The following CHD2 variants were observed in gnomAD, a reference collection of about 807,000 sequenced individuals.
CHD2 encodes chromodomain helicase DNA binding protein 2.
A neutral mutation model predicts 243.9 loss-of-function variants in CHD2; 28 were observed. That is an observed-to-expected ratio of 0.11 (90% confidence interval 0.09 to 0.16). CHD2 has a LOEUF of 0.16. CHD2 is among the 10% of genes least tolerant of loss of function. The pLI, the probability that CHD2 is intolerant of heterozygous loss-of-function variation, is 1.00. For synonymous variants in CHD2, 775 were observed against 779.0 expected (o/e 0.99, Z 0.09); for missense variants, 1,386 against 2,209.8 (o/e 0.63, Z 7.47).
In CHD2 at chr15:93,000,539, G is replaced by T. The variant is rs200178864; in HGVS notation, c.4036G>T (p.Val1346Leu). 5.6e-6 allele frequency: 9 copies of T among 1,612,798 alleles called. No homozygotes were observed. In the East Asian group the frequency reaches 1.8e-4, roughly 32 times the overall value. The change falls in exon 32 of 39, where the codon GTA becomes TTA. Residue 1346 changes from valine to leucine, a missense_variant. Physicochemically the swap from Val to Leu is conservative, Grantham distance 32. This residue lies in a region of CHD2 where 125 missense variants were observed against 128.9 expected (regional missense o/e 0.97). Transcript: ENST00000394196. The part of the protein sequence containing the change: ...EAKLKKRKPR[V>L]KKENKVPRLK... ...CAAATTAAAGAAGCGGAAGCCTCGG[G>T]TAAAGAAGGAAAACAAAGTGCCCAG...
chr15:92,979,637 GT>G (rs200909445), intron 22 of CHD2, among the ~76,000 whole-genome samples: 107 of 144,926 alleles, frequency 7.4e-4, no homozygotes, highest in East Asian at 8.0e-4. Context: ...ATTGGCAGCT[GT>G]TTTTTTTTTT....
chr15:92,929,750 T>C (rs17525249), intron 5 of CHD2, among the ~76,000 whole-genome samples: 10,072 of 152,246 alleles, frequency 0.066, 459 homozygotes, highest in South Asian at 0.12. Context: ...CTCTCAAAAA[T>C]GTAGATATTC....
At chr15:92,929,008 T>C (rs1330570597) in intron 4 of CHD2, 22 bp from the exon 5 acceptor site, 1 of 1,607,870 alleles carries the variant, frequency 6.2e-7, no homozygotes, top group Non-Finnish European at 8.5e-7. Context: ...TGTAATCATT[T>C]TTCCCCCCTC....
Position 92,998,002 on chromosome 15 carries a change from C to A in CHD2, c.3886-497C>A. 1 of 180,032 alleles carries A rather than the reference C, an allele frequency of 5.6e-6. No individual in the cohort carries two copies. The highest frequency in any genetic ancestry group is 1.1e-5 in the Non-Finnish European group (1 of 92,230). 11.2% of individuals were successfully genotyped at this position (180,032 alleles called of 1,614,324 possible). A position where few individuals can be genotyped will look rare whatever the true frequency, so the allele number is the denominator to read the frequency against. ...CCATCTGGTTTTAGGAGGGTGACAGCACCCTGCCTTAAGCACTGAGACCAG... is the reference window on the plus strand; with the variant it reads ...CCATCTGGTTTTAGGAGGGTGACAGAACCCTGCCTTAAGCACTGAGACCAG... On this transcript the variant is annotated intron_variant, in intron 30 of 38. Transcript: ENST00000394196. This position sits in a 1 kb window ranked among gnomAD's most constrained non-coding sequence, Gnocchi z 5.1.
intron 37 of CHD2, among the ~76,000 whole-genome samples, chr15:93,015,403 G>A (rs1039388775): frequency 6.6e-6 from 1 of 152,258 alleles, no homozygotes; most frequent in South Asian, 2.1e-4. Flanking sequence ...TTCAACTTCC[G>A]ATTAAGAAGA....
At chr15:92,916,627 C>T (rs996151401) in intron 2 of CHD2, among the ~76,000 whole-genome samples, 5 of 152,138 alleles carry the variant, frequency 3.3e-5, no homozygotes, top group African/African-American at 1.2e-4. Context: ...AACCTCAGTT[C>T]ACTGCAACCT....
At chr15:93,019,663 G>C (rs191282908) in intron 37 of CHD2, among the ~76,000 whole-genome samples, 2 of 152,292 alleles carry the variant, frequency 1.3e-5, no homozygotes, top group African/African-American at 4.8e-5. Flanking sequence ...GCTGGGCGTG[G>C]TGGCTCACAG....
In CHD2 at chr15:92,936,115, G is replaced by A. The variant is rs185076925; in HGVS notation, c.444-1403G>A. The stretch of plus-strand genomic sequence containing the variant: ...CATAAAATTGCTCCACTGACCGTCC[G>A]TGGAAGGCCTGAATTGTTGTTTTTT... On this transcript the variant is annotated intron_variant, in intron 5 of 38. Coordinates refer to ENST00000394196, the MANE Select transcript of CHD2 (RefSeq NM_001271.4). Among the ~76,000 whole-genome samples, 11 of 152,234 alleles carry A rather than the reference G, an allele frequency of 7.2e-5. No individual in the cohort carries two copies. The East Asian group carries it at 1.9e-3, about 27-fold the overall frequency.
rs768049004 is a variant in CHD2 at position 92,901,243 on chromosome 15, G to A, written c.6G>A (p.Met2Ile). The part of the protein sequence containing the change: M[M>I]RNKDKSQEED... Reference sequence around the variant, plus strand: ...TAATATTTAAGAATTAAAAGATGATGAGAAATAAGGACAAAAGCCAAGAGG... The same window carrying A: ...TAATATTTAAGAATTAAAAGATGATAAGAAATAAGGACAAAAGCCAAGAGG... The change falls in exon 2 of 39, where the codon ATG (methionine) becomes ATA (isoleucine). Residue 2 changes from methionine to isoleucine, a missense_variant. By Grantham distance (10) the Met-to-Ile change is conservative. This residue lies in a region of CHD2 where 89 missense variants were observed against 102.4 expected (regional missense o/e 0.87). Coordinates refer to ENST00000394196, the MANE Select transcript of CHD2 (RefSeq NM_001271.4). 2.5e-6 allele frequency: 4 copies of A among 1,590,330 alleles called. No homozygotes were observed. The highest frequency in any genetic ancestry group is 2.2e-5 in the South Asian group (2 of 90,204).
chr15:92,950,755 A>G (rs2053543395), intron 13 of CHD2, among the ~76,000 whole-genome samples: 1 of 151,100 alleles, frequency 6.6e-6, no homozygotes, highest in Admixed American at 6.6e-5. Flanking sequence ...TTCACCTTAA[A>G]AAAAAAAAAA....
chr15:92,902,007 A>T lies in CHD2; in HGVS notation c.62+708A>T, dbSNP rs1024936617. On this transcript the variant is annotated intron_variant, in intron 2 of 38. Transcript: ENST00000394196. ...TGGAATACTCTTAATATATACTTCT[A>T]TTTTGTGTTTGTTACTGTGATTAAT... The T allele has an allele frequency of 4.1e-5, 16 of 388,490 alleles. No homozygotes were observed. The East Asian group carries it at 5.9e-4, about 14-fold the overall frequency. 24.1% of individuals were successfully genotyped at this position (388,490 alleles called of 1,614,324 possible). A position where few individuals can be genotyped will look rare whatever the true frequency, so the allele number is the denominator to read the frequency against.
At chr15:93,014,254 A>G (rs2054430797) in intron 36 of CHD2, among the ~76,000 whole-genome samples, 1 of 152,082 alleles carries the variant, frequency 6.6e-6, no homozygotes, top group Non-Finnish European at 1.5e-5. Context: ...ATAAGGAGTA[A>G]TGTTACTCCA....
In CHD2 at chr15:92,901,192, A is replaced by G; in HGVS notation, c.-46A>G. On this transcript the variant is annotated 5_prime_UTR_variant, in exon 2 of 39. Coordinates refer to ENST00000394196, the MANE Select transcript of CHD2 (RefSeq NM_001271.4). ...TAAATACCTGGGCACAGGACTTCAA[A>G]GCAAACACAGATTCCCCCTCCCCCT... 3 of 1,207,778 alleles carry G rather than the reference A, an allele frequency of 2.5e-6. No homozygotes were observed. The highest frequency in any genetic ancestry group is 3.7e-6 in the Non-Finnish European group (3 of 817,130). The allele number at this position is 1,207,778 out of a possible 1,614,324, so 74.8% of individuals were successfully genotyped here. A position where few individuals can be genotyped will look rare whatever the true frequency, so the allele number is the denominator to read the frequency against.
intron 37 of CHD2, 41 bp from the exon 38 acceptor site, chr15:93,019,971 C>T: frequency 1.3e-6 from 2 of 1,564,118 alleles, no homozygotes; most frequent in Non-Finnish European, 1.7e-6. Flanking sequence ...GAAATTCATC[C>T]ATTTCTTGCA....
Position 92,992,984 on chromosome 15 carries a change from A to C in CHD2, c.3581A>C (p.Glu1194Ala), listed in dbSNP as rs766534289. ...AMQEYEEQLK[E>A]NASEGKGPGK... ...CAGGAATACGAAGAGCAGCTGAAAG[A>C]AAATGCCAGCGAGGGTAAGCGAAGT... The change falls in exon 28 of 39, where the codon GAA (glutamate) becomes GCA (alanine). Residue 1194 changes from glutamate (E) to alanine (A), a missense_variant. By Grantham distance (107) the Glu-to-Ala change is moderately radical. Around this residue, in one of 19 missense-constraint regions of CHD2, gnomAD observed 99 missense variants for 176.9 expected, o/e 0.56. Coordinates refer to ENST00000394196, the MANE Select transcript of CHD2 (RefSeq NM_001271.4). 1 of 1,613,730 alleles carries C rather than the reference A, an allele frequency of 6.2e-7. No homozygotes were observed. Among genetic ancestry groups the C allele is most frequent in the Non-Finnish European group, 8.5e-7 (1 of 1,179,964 alleles).
rs547925763 is a variant in CHD2 at position 92,972,127 on chromosome 15, C to T, written c.2353-138C>T. On this transcript the variant is annotated intron_variant, in intron 18 of 38. Transcript: ENST00000394196. ...ACAGATACTGGGAAAAAGAACATTTCGGGAATTGCTGGTCAAGCAGGTTGC... is the reference window on the plus strand; with the variant it reads ...ACAGATACTGGGAAAAAGAACATTTTGGGAATTGCTGGTCAAGCAGGTTGC... 284 of 1,038,274 alleles carry T rather than the reference C, an allele frequency of 2.7e-4. 1 individual carries two copies. The African/African-American group carries it at 3.9e-3, about 14-fold the overall frequency. 64.3% of individuals were successfully genotyped at this position (1,038,274 alleles called of 1,614,324 possible).
At position 92,944,320 on chromosome 15, in the gene CHD2, A is replaced by G. The variant is rs2053429157; in HGVS notation, c.1053-95A>G. ...CTTAAGGGGCAGATGGGAGTAAAAA[A>G]TAGGTTTTCTTTTCCACCTTTGACT... On this transcript the variant is annotated intron_variant, in intron 9 of 38. Coordinates refer to ENST00000394196, the MANE Select transcript of CHD2 (RefSeq NM_001271.4). 6.6e-6 allele frequency: 4 copies of G among 608,506 alleles called. No individual in the cohort carries two copies. In the South Asian group the frequency reaches 7.4e-5, roughly 11 times the overall value. The allele number at this position is 608,506 out of a possible 1,614,324, so 37.7% of individuals were successfully genotyped here. A position where few individuals can be genotyped will look rare whatever the true frequency, so the allele number is the denominator to read the frequency against.
In CHD2 at chr15:92,918,266, T is replaced by C. The variant is rs368258140; in HGVS notation, c.63-6055T>C. Among the ~76,000 whole-genome samples the C allele has an allele frequency of 3.0e-4, 45 of 152,360 alleles. No individual in the cohort carries two copies. The East Asian group carries it at 7.5e-3, about 25-fold the overall frequency. On this transcript the variant is annotated intron_variant, in intron 2 of 38. Coordinates refer to ENST00000394196, the MANE Select transcript of CHD2 (RefSeq NM_001271.4). Reference sequence around the variant, plus strand: ...TTGAAGAGATACCAAATTCTTTTTATCCACAAGCAAAAGGAAGTGGTAAAC... The same window carrying C: ...TTGAAGAGATACCAAATTCTTTTTACCCACAAGCAAAAGGAAGTGGTAAAC...
At position 93,024,900 on chromosome 15, in the gene CHD2, C is replaced by A; in HGVS notation, c.*195C>A. The A allele has an allele frequency of 1.8e-6, 1 of 558,980 alleles. No individual in the cohort carries two copies. Among genetic ancestry groups the A allele is most frequent in the Non-Finnish European group, 3.1e-6 (1 of 322,994 alleles). The allele number at this position is 558,980 out of a possible 1,614,324, so 34.6% of individuals were successfully genotyped here. On this transcript the variant is annotated 3_prime_UTR_variant, in exon 39 of 39. Coordinates refer to ENST00000394196, the MANE Select transcript of CHD2 (RefSeq NM_001271.4). ...CCAGCTCTGATTCGGGTCACCACTC[C>A]TGCACTTTGGCACCCCATCCCATTC...
Sources: allele counts gnomAD v4.1 joint callset (sites outside exome capture counted in the v4.1 genomes callset), GRCh38; gene constraint gnomAD v4.1.1; regional missense constraint gnomAD v4.1.1; non-coding constraint Gnocchi (gnomAD v3.1); transcripts MANE v1.5; gene names NCBI Gene and HGNC (gene_info 2026-07-23, HGNC 2026-07-21).